The following CSF2RA variants were observed in gnomAD, a reference collection of about 807,000 sequenced individuals.
CSF2RA encodes the protein granulocyte-macrophage colony-stimulating factor receptor subunit alpha.
In CSF2RA, 42 loss-of-function variants were observed where a neutral mutation model predicts 51.6. The ratio of observed to expected loss-of-function variants is 0.81; its 90% confidence interval spans 0.64 to 1.05. CSF2RA has a LOEUF of 1.05. Among genes scored for constraint, CSF2RA ranks in the 50% least tolerant of loss-of-function variants. CSF2RA has a pLI of 0.00. For missense variants in CSF2RA, 530 were observed against 501.1 expected, an observed-to-expected ratio of 1.06 and a Z score of -0.55; for synonymous variants, 222 against 193.0, an observed-to-expected ratio of 1.15 and a Z score of -1.24.
rs747425830 is a variant in CSF2RA at position 1,299,296 on chromosome X, G to A, written c.811-1195G>A. 9.2e-5 allele frequency among the ~76,000 whole-genome samples: 14 copies of A among 152,178 alleles called. No individual in the cohort carries two copies. In the South Asian group the frequency reaches 1.0e-3, roughly 11 times the overall value. ...TTGCCGGGTATTTACCAAGTCTCGCGGCCACTCTGACCCTCGGTATCCTCC... is the reference window on the plus strand; with the variant it reads ...TTGCCGGGTATTTACCAAGTCTCGCAGCCACTCTGACCCTCGGTATCCTCC... On this transcript the variant is annotated intron_variant, in intron 9 of 12. Transcript: ENST00000381529.
chrX:1,314,509 GCAC>G (rs2084400162), downstream of CSF2RA, among the ~76,000 whole-genome samples: 2 of 83,006 alleles, frequency 2.4e-5, no homozygotes. Context: ...CTGCCCAACC[GCAC>G]TGCACCTGCC....
chrX:1,308,998 C>T (rs1331729289), intron 12 of CSF2RA, among the ~76,000 whole-genome samples: 2 of 152,036 alleles, frequency 1.3e-5, no homozygotes, highest in Non-Finnish European at 2.9e-5. Flanking sequence ...GAGGCCGAGG[C>T]GAGTGGATCA....
At position 1,287,781 on chromosome X, in the gene CSF2RA, G is replaced by T. The variant is rs1408676963; in HGVS notation, c.220-738G>T. ...GGATGGAGTCTCTGTCTGTCACCCA[G>T]GCTGGAGTGCACTGGCGTGATCTCA... On this transcript the variant is annotated intron_variant, in intron 4 of 12. Transcript: ENST00000381529. Among the ~76,000 whole-genome samples, 9 of 132,540 alleles carry T rather than the reference G, an allele frequency of 6.8e-5. 1 individual carries two copies. Among genetic ancestry groups the T allele is most frequent in the African/African-American group, 2.6e-4 (9 of 34,586 alleles). 87.0% of individuals were successfully genotyped at this position (132,540 alleles called of 152,430 possible). A position where few individuals can be genotyped will look rare whatever the true frequency, so the allele number is the denominator to read the frequency against.
rs753067685 is a variant in CSF2RA, at chrX:1,288,531, G to A, written c.232G>A (p.Glu78Lys). 43 of 1,613,766 alleles carry A rather than the reference G, an allele frequency of 2.7e-5. No homozygotes were observed. The highest frequency in any genetic ancestry group is 3.3e-4 in the Middle Eastern group (2 of 6,078). The change falls in exon 5 of 13, where the codon GAA becomes AAA. Residue 78 changes from glutamate to lysine, a missense_variant. Physicochemically the swap from Glu to Lys is moderately conservative, Grantham distance 56. Coordinates refer to ENST00000381529, the MANE Select transcript of CSF2RA (RefSeq NM_172245.4). ...TGCAATTCTTCAGCTCAGTAACAAC[G>A]AATGTTCGTGCACATTTCGTGAAAT... Reference protein sequence around the residue: ...RVVEPRLSNNECSCTFREICL... With the variant: ...RVVEPRLSNNKCSCTFREICL...
chrX:1,301,876 G>C (rs1417803895), intron 10 of CSF2RA, among the ~76,000 whole-genome samples: 3 of 145,638 alleles, frequency 2.1e-5, no homozygotes, highest in African/African-American at 5.1e-5. Flanking sequence ...AAAGTGCTGG[G>C]ATTACAGGCG....
At position 1,290,332 on chromosome X, in the gene CSF2RA, T is replaced by C; in HGVS notation, c.474-5T>C. ...TTGCTCTCTGAGCACTTTCTAATCT[T>C]TCAGGAGAAGGAGGGAGATCCGGTG... On this transcript the variant is annotated splice_polypyrimidine_tract_variant and splice_region_variant and intron_variant, in intron 6 of 12. Coordinates refer to ENST00000381529, the MANE Select transcript of CSF2RA (RefSeq NM_172245.4). 6.2e-7 allele frequency: 1 copy of C among 1,612,816 alleles called. No homozygotes were observed. Among genetic ancestry groups the C allele is most frequent in the Non-Finnish European group, 8.5e-7 (1 of 1,178,836 alleles).
downstream of CSF2RA, among the ~76,000 whole-genome samples, chrX:1,313,005 T>A (rs2084251578): frequency 6.6e-6 from 1 of 151,940 alleles, no homozygotes; most frequent in Non-Finnish European, 1.5e-5. Flanking sequence ...AGGAGGAGAC[T>A]CCCACAGGGC....
chrX:1,286,764 C>G (rs1185131859), intron 4 of CSF2RA, among the ~76,000 whole-genome samples: 3 of 151,966 alleles, frequency 2.0e-5, no homozygotes, highest in Admixed American at 6.6e-5. Context: ...CGTATTTTAC[C>G]CCAAGAGAAG....
intron 2 of CSF2RA, among the ~76,000 whole-genome samples, chrX:1,281,056 TCTC>T (rs1381027978): frequency 1.0e-4 from 1 of 9,858 alleles, no homozygotes; most frequent in African/African-American, 3.1e-4. Flanking sequence ...CTGCTCCCCT[TCTC>T]CTCCTCCTTC....
At chrX:1,292,006 C>T (rs1256671338) in intron 7 of CSF2RA, among the ~76,000 whole-genome samples, 3 of 149,892 alleles carry the variant, frequency 2.0e-5, no homozygotes, top group Non-Finnish European at 4.5e-5. Context: ...AAAGAGGTGT[C>T]CCTACTCCAC....
At chrX:1,279,758 C>G (rs28421959) in intron 2 of CSF2RA, among the ~76,000 whole-genome samples, 1 of 151,462 alleles carries the variant, frequency 6.6e-6, no homozygotes, top group Non-Finnish European at 1.5e-5. Context: ...TGCAGAGGAA[C>G]GGTCTGAGAG....
intron 2 of CSF2RA, among the ~76,000 whole-genome samples, chrX:1,281,591 G>A (rs1458887484): frequency 6.6e-6 from 1 of 151,060 alleles, no homozygotes; most frequent in African/African-American, 2.4e-5. Context: ...GCATAAAGAA[G>A]TATCAAATAA....
chrX:1,300,803 G>T (rs1158509067), intron 10 of CSF2RA, among the ~76,000 whole-genome samples, 177 bp downstream of exon 10: 2 of 152,034 alleles, frequency 1.3e-5, no homozygotes, highest in Non-Finnish European at 2.9e-5. Context: ...CTCGTACTTG[G>T]TCCCGCAACA....
intron 7 of CSF2RA, among the ~76,000 whole-genome samples, chrX:1,291,754 A>C (rs191156774): frequency 0.32 from 48,017 of 148,452 alleles, 8,616 homozygotes; most frequent in Admixed American, 0.45. Flanking sequence ...GAGACCCTGT[A>C]CCACCTCCAC....
intron 2 of CSF2RA, 74 bp from the exon 3 acceptor site, chrX:1,282,604 C>G: frequency 1.8e-6 from 2 of 1,112,436 alleles, no homozygotes; most frequent in East Asian, 4.7e-5. Context: ...CCCAAATCAC[C>G]TCCCTGGGGT....
intron 1 of CSF2RA, among the ~76,000 whole-genome samples, chrX:1,272,187 C>T (rs1415994829): frequency 6.6e-6 from 1 of 151,948 alleles, no homozygotes. Context: ...CACCTGACCT[C>T]AGGTGATCCG....
chrX:1,292,676 C>T (rs2091513705), intron 7 of CSF2RA, among the ~76,000 whole-genome samples: 1 of 152,132 alleles, frequency 6.6e-6, no homozygotes, highest in African/African-American at 2.4e-5. Flanking sequence ...GTATTGCCAC[C>T]AGCATATCTC....
At chrX:1,311,583 G>C (rs769618913), downstream of CSF2RA, among the ~76,000 whole-genome samples, 2 of 151,890 alleles carry the variant, frequency 1.3e-5, no homozygotes, top group African/African-American at 4.8e-5. Context: ...ACAGGCGCCC[G>C]CCACCATTCC....
At chrX:1,305,005 T>C (rs1457755987) in intron 11 of CSF2RA, among the ~76,000 whole-genome samples, 2 of 144,050 alleles carry the variant, frequency 1.4e-5, no homozygotes, top group Non-Finnish European at 3.0e-5. Context: ...TTTTTTTTTG[T>C]TTTTTTGAGA....
Sources: gnomAD v4.1 joint callset for allele counts (sites outside exome capture counted in the v4.1 genomes callset) on GRCh38, gnomAD v4.1.1 for gene constraint, MANE v1.5 for transcripts, NCBI Gene and HGNC (gene_info 2026-07-23, HGNC 2026-07-21) for gene names.